Variants in LANCL2 observed in about 807,000 individuals in gnomAD.
LANCL2 encodes lanC-like protein 2.
LANCL2 carries 33 observed loss-of-function variants against 56.9 expected under a neutral mutation model. That is an observed-to-expected ratio of 0.58 (90% CI 0.44 to 0.78). The LOEUF is 0.78. Ranked by LOEUF, LANCL2 falls within the 30% of genes least tolerant of loss-of-function variation. The pLI is 0.00. For synonymous variants in LANCL2, 233 were observed against 228.2 expected (o/e 1.02, Z -0.19); for missense variants, 562 against 580.2 (o/e 0.97, Z 0.32).
intron 1 of LANCL2, among the ~76,000 whole-genome samples, chr7:55,372,309 A>G (rs1166402699): frequency 1.3e-5 from 2 of 152,210 alleles, no homozygotes; most frequent in African/African-American, 2.4e-5. Context: ...AGCAGGTAAC[A>G]GTTTTAATAG....
chr7:55,381,132 A>G (rs1409377106), intron 1 of LANCL2, among the ~76,000 whole-genome samples: 1 of 152,080 alleles, frequency 6.6e-6, no homozygotes, highest in Non-Finnish European at 1.5e-5. Flanking sequence ...TGGTTTCCCA[A>G]AGTGCTGGGA....
At position 55,365,657 on chromosome 7, in the gene LANCL2, A is replaced by C; in HGVS notation, c.-369A>C. 2 of 176,882 alleles carry C rather than the reference A, an allele frequency of 1.1e-5. No individual in the cohort carries two copies. The highest frequency in any genetic ancestry group is 1.2e-5 in the Non-Finnish European group (1 of 84,776). The allele number at this position is 176,882 out of a possible 1,614,324, so 11.0% of individuals were successfully genotyped here. On this transcript the variant is annotated 5_prime_UTR_variant, in exon 1 of 9. Coordinates refer to ENST00000254770, the MANE Select transcript of LANCL2 (RefSeq NM_018697.4). ...CGGGCGCAGCGATCCCCACCCCGGG[A>C]CTCCAGCCCCGGCCGTGCGCGTCGC...
intron 6 of LANCL2, among the ~76,000 whole-genome samples, chr7:55,412,999 G>A (rs566920671): frequency 6.6e-6 from 1 of 152,268 alleles, no homozygotes; most frequent in Non-Finnish European, 1.5e-5. Flanking sequence ...TATCTCTCAT[G>A]ATTTAGGCTA....
intron 1 of LANCL2, among the ~76,000 whole-genome samples, chr7:55,373,637 TAAG>T (rs1435568473): frequency 2.0e-5 from 3 of 152,260 alleles, no homozygotes; most frequent in African/African-American, 7.2e-5. Flanking sequence ...GATACTGAAA[TAAG>T]AACGCAGTAG....
At chr7:55,421,922 G>T (rs1790613056) in intron 6 of LANCL2, among the ~76,000 whole-genome samples, 1 of 151,778 alleles carries the variant, frequency 6.6e-6, no homozygotes, top group Non-Finnish European at 1.5e-5. Context: ...GAAGAGACAG[G>T]GTCCTCACTA....
chr7:55,407,183 C>G (rs1790417657), intron 5 of LANCL2, among the ~76,000 whole-genome samples: 1 of 152,192 alleles, frequency 6.6e-6, no homozygotes, highest in Admixed American at 6.5e-5. Flanking sequence ...GAAAAACTGA[C>G]TAGGCTCTTT....
intron 5 of LANCL2, among the ~76,000 whole-genome samples, chr7:55,409,684 AGC>A (rs1295873360): frequency 6.6e-6 from 1 of 152,212 alleles, no homozygotes; most frequent in Non-Finnish European, 1.5e-5. Context: ...AGACCTGGAA[AGC>A]AGCCAATTAT....
rs541135308 is a variant in LANCL2 at position 55,431,859 on chromosome 7, G to A, written c.*539G>A. 2.0e-4 allele frequency: 30 copies of A among 152,592 alleles called. No homozygotes were observed. Among genetic ancestry groups the A allele is most frequent in the Non-Finnish European group, 3.7e-4 (25 of 68,250 alleles). The allele number at this position is 152,592 out of a possible 1,614,324, so 9.5% of individuals were successfully genotyped here. On this transcript the variant is annotated 3_prime_UTR_variant, in exon 9 of 9. Transcript: ENST00000254770. ...ACAGGACCAGCAGTTCTGCAGGGGCGTGCTGGGGTGGTTTGGGAGTGCACA... is the reference window on the plus strand; with the variant it reads ...ACAGGACCAGCAGTTCTGCAGGGGCATGCTGGGGTGGTTTGGGAGTGCACA...
At chr7:55,403,026 C>A (rs1180761451) in intron 5 of LANCL2, among the ~76,000 whole-genome samples, 1 of 151,930 alleles carries the variant, frequency 6.6e-6, no homozygotes, top group African/African-American at 2.4e-5. Context: ...TCCTCACTTC[C>A]CAGACGGGGT....
At chr7:55,427,940 G>A (rs553401085) in intron 7 of LANCL2, 51 of 172,364 alleles carry the variant, frequency 3.0e-4, no homozygotes, top group Middle Eastern at 5.6e-3. Context: ...AGTGAGAGGC[G>A]GCGCCCCAGG....
At position 55,398,497 on chromosome 7, in the gene LANCL2, G is replaced by T. The variant is rs367767912; in HGVS notation, c.397G>T (p.Val133Leu). 2.9e-5 allele frequency: 47 copies of T among 1,614,056 alleles called. No individual in the cohort carries two copies. The highest frequency in any genetic ancestry group is 3.9e-5 in the Non-Finnish European group (46 of 1,180,028). Residue 133 changes from valine to leucine, a missense_variant, in exon 3 of 9, where the codon GTA becomes TTA. By Grantham distance (32) the Val-to-Leu change is conservative. Transcript: ENST00000254770. The part of the protein sequence containing the change: ...QTYLLRSLDY[V>L]KRTLRNLNGR... ...CTACCTGCTCCGATCCCTGGATTAC[G>T]TAAAAAGAACACTTCGGAATCTGAA...
rs1790576596 is a variant in LANCL2, at chr7:55,419,011, G to A, written c.1009-6243G>A. On this transcript the variant is annotated intron_variant, in intron 6 of 8. Transcript: ENST00000254770. ...TTATCCTTTTCTTTTTATTAATATT[G>A]CTACATTTGGTCTGCTAATATTTTG... 2.0e-5 allele frequency among the ~76,000 whole-genome samples: 3 copies of A among 151,918 alleles called. No homozygotes were observed. The South Asian group carries it at 6.3e-4, about 32-fold the overall frequency.
chr7:55,420,427 G>A (rs753458647), intron 6 of LANCL2, among the ~76,000 whole-genome samples: 2 of 152,114 alleles, frequency 1.3e-5, no homozygotes, highest in Non-Finnish European at 2.9e-5. Flanking sequence ...TATTATGTAC[G>A]ATTTAACATT....
intron 6 of LANCL2, among the ~76,000 whole-genome samples, chr7:55,412,330 A>C (rs879487158): frequency 2.0e-5 from 3 of 152,252 alleles, no homozygotes; most frequent in Non-Finnish European, 4.4e-5. Flanking sequence ...CATGTGTAAA[A>C]GAAAACCTAG....
chr7:55,422,584 C>G (rs1790620505), intron 6 of LANCL2, among the ~76,000 whole-genome samples: 1 of 152,140 alleles, frequency 6.6e-6, no homozygotes, highest in East Asian at 1.9e-4. Context: ...CTACAGGTTC[C>G]TGAGGCTTTT....
At chr7:55,421,842 T>A (rs1454283823) in intron 6 of LANCL2, among the ~76,000 whole-genome samples, 1 of 152,228 alleles carries the variant, frequency 6.6e-6, no homozygotes, top group East Asian at 1.9e-4. Context: ...TTATAAAATC[T>A]ATGAATGTTG....
rs139407634 is a variant in LANCL2 at position 55,367,309 on chromosome 7, G to C, written c.204+1080G>C. 9.6e-4 allele frequency among the ~76,000 whole-genome samples: 146 copies of C among 152,260 alleles called. 1 individual carries two copies. Among genetic ancestry groups the C allele is most frequent in the African/African-American group, 3.4e-3 (142 of 41,556 alleles). On this transcript the variant is annotated intron_variant, in intron 1 of 8. Coordinates refer to ENST00000254770, the MANE Select transcript of LANCL2 (RefSeq NM_018697.4). The stretch of plus-strand genomic sequence containing the variant: ...TTCCAATGGCCACTTCACCTCCTTG[G>C]ATCTCCATGTATTTCATATTTGGCT...
In LANCL2 at chr7:55,400,031, G is replaced by C. The variant is rs1440458363; in HGVS notation, c.605G>C (p.Gly202Ala). Reference sequence around the variant, plus strand: ...GATGAGCTGCTTTATGGACGGGCAGGTTATCTGTATGCCTTACTGTACCTG... The same window carrying C: ...GATGAGCTGCTTTATGGACGGGCAGCTTATCTGTATGCCTTACTGTACCTG... Reference protein sequence around the residue: ...LPDELLYGRAGYLYALLYLNT... With the variant: ...LPDELLYGRAAYLYALLYLNT... The change falls in exon 4 of 9, where the codon GGT becomes GCT. Residue 202 changes from glycine to alanine, a missense_variant. Coordinates refer to ENST00000254770, the MANE Select transcript of LANCL2 (RefSeq NM_018697.4). The C allele has an allele frequency of 1.2e-6, 2 of 1,613,886 alleles. No individual in the cohort carries two copies. The highest frequency in any genetic ancestry group is 1.7e-6 in the Non-Finnish European group (2 of 1,179,854).
At chr7:55,378,108 C>T (rs189417874) in intron 1 of LANCL2, among the ~76,000 whole-genome samples, 3 of 152,286 alleles carry the variant, frequency 2.0e-5, no homozygotes, top group Admixed American at 1.3e-4. Context: ...AATTGAAATA[C>T]GTAAAGCACT....
Sources: gnomAD v4.1 joint callset for allele counts (sites outside exome capture counted in the v4.1 genomes callset) on GRCh38, gnomAD v4.1.1 for gene constraint, MANE v1.5 for transcripts, NCBI Gene and HGNC (gene_info 2026-07-23, HGNC 2026-07-21) for gene names.